Variants in ZNRF1 observed in about 807,000 individuals in gnomAD.
ZNRF1 encodes zinc and ring finger 1, also known as E3 ubiquitin-protein ligase ZNRF1.
Under a neutral mutation model 18.4 loss-of-function variants are expected in ZNRF1, and 3 were observed. The observed-to-expected ratio is 0.16, with a 90% CI of 0.07 to 0.42. ZNRF1 has a LOEUF of 0.42. Ranked by LOEUF, ZNRF1 falls within the 10% of genes least tolerant of loss-of-function variation. ZNRF1 has a pLI of 0.99. For synonymous variants in ZNRF1, 157 were observed against 144.2 expected (o/e 1.09, Z -0.64); for missense variants, 310 against 329.8 (o/e 0.94, Z 0.47).
At chr16:75,043,387 T>C (rs1029479335) in intron 1 of ZNRF1, among the ~76,000 whole-genome samples, 2 of 152,238 alleles carry the variant, frequency 1.3e-5, no homozygotes, top group Non-Finnish European at 2.9e-5. Flanking sequence ...GGAACATTTT[T>C]TCTCTTTCTT....
At chr16:75,027,812 T>A (rs2035246483) in intron 1 of ZNRF1, among the ~76,000 whole-genome samples, 1 of 152,216 alleles carries the variant, frequency 6.6e-6, no homozygotes, top group Non-Finnish European at 1.5e-5. Flanking sequence ...TCATGATTAC[T>A]AACCTTAAAC....
At chr16:75,026,760 A>G (rs1212697665) in intron 1 of ZNRF1, among the ~76,000 whole-genome samples, 1 of 151,536 alleles carries the variant, frequency 6.6e-6, no homozygotes, top group Non-Finnish European at 1.5e-5. Flanking sequence ...ACGTGGTGAA[A>G]CCCCGTCTCT....
At chr16:75,064,968 A>G (rs1278689128) in intron 1 of ZNRF1, among the ~76,000 whole-genome samples, 1 of 152,186 alleles carries the variant, frequency 6.6e-6, no homozygotes, top group Non-Finnish European at 1.5e-5. Flanking sequence ...TGGGGTTGCA[A>G]ACCTGGTCCT....
At chr16:75,046,034 C>G (rs2035511012) in intron 1 of ZNRF1, among the ~76,000 whole-genome samples, 11 of 151,806 alleles carry the variant, frequency 7.2e-5, no homozygotes, top group Admixed American at 7.2e-4. Flanking sequence ...TCCCAAGTAG[C>G]TGGGATTACA....
intron 1 of ZNRF1, among the ~76,000 whole-genome samples, chr16:75,035,112 C>A (rs1319167719): frequency 1.3e-5 from 2 of 149,320 alleles, no homozygotes; most frequent in African/African-American, 4.9e-5. Flanking sequence ...TGCTGCAATC[C>A]CCACCCTCCA....
intron 1 of ZNRF1, among the ~76,000 whole-genome samples, chr16:75,051,490 T>C (rs2035603291): frequency 6.6e-6 from 1 of 151,868 alleles, no homozygotes; most frequent in Non-Finnish European, 1.5e-5. Flanking sequence ...ATTACAGGCA[T>C]GAGCCACCGC....
chr16:75,084,922 C>T (rs2036056411), intron 1 of ZNRF1, among the ~76,000 whole-genome samples: 1 of 152,316 alleles, frequency 6.6e-6, no homozygotes, highest in East Asian at 1.9e-4. Context: ...TTAACTTATG[C>T]ATCTTTGTTT....
chr16:75,071,934 G>T (rs1291478958), intron 1 of ZNRF1, among the ~76,000 whole-genome samples: 2 of 151,916 alleles, frequency 1.3e-5, no homozygotes, highest in African/African-American at 4.8e-5. Flanking sequence ...TGCCTGGCTA[G>T]CTTTTGCTTA....
rs1258020268 is a variant in ZNRF1, at chr16:74,999,453, A to G, written c.-219A>G. On this transcript the variant is annotated 5_prime_UTR_variant, in exon 1 of 5. Transcript: ENST00000335325. ...GAGGGGAAACATGCGTTTGCCTTGG[A>G]TCGTTTGAAATTCTGAGTTTGGGAT... is the stretch of plus-strand genomic sequence containing the variant. 1.3e-5 allele frequency: 5 copies of G among 398,996 alleles called. No homozygotes were observed. The highest frequency in any genetic ancestry group is 1.7e-5 in the Non-Finnish European group (4 of 228,854). The allele number at this position is 398,996 out of a possible 1,614,324, so 24.7% of individuals were successfully genotyped here.
chr16:75,066,279 C>A (rs2035803093), intron 1 of ZNRF1, among the ~76,000 whole-genome samples: 1 of 152,146 alleles, frequency 6.6e-6, no homozygotes, highest in Non-Finnish European at 1.5e-5. Flanking sequence ...GGACATATAT[C>A]ACAAATACTG....
chr16:75,046,440 C>A (rs929312754), intron 1 of ZNRF1, among the ~76,000 whole-genome samples: 1 of 151,062 alleles, frequency 6.6e-6, no homozygotes. Flanking sequence ...TTAGTGGAGA[C>A]GGGGTTTCAC....
chr16:75,024,772 C>A (rs954410458), intron 1 of ZNRF1, among the ~76,000 whole-genome samples: 1 of 152,222 alleles, frequency 6.6e-6, no homozygotes, highest in African/African-American at 2.4e-5. Flanking sequence ...TATTTTCTGT[C>A]TTTTAAGCAA....
rs1476292636 is a variant in ZNRF1, at chr16:75,093,818, T to C, written c.520+151T>C. On this transcript the variant is annotated intron_variant, in intron 2 of 4. Coordinates refer to ENST00000335325, the MANE Select transcript of ZNRF1 (RefSeq NM_032268.5). ...CCTCAGTGGTGGTGAGGAAGTGGACTGTTCTGGGAGCCTTGCTGCTCAGGT... is the reference window on the plus strand; with the variant it reads ...CCTCAGTGGTGGTGAGGAAGTGGACCGTTCTGGGAGCCTTGCTGCTCAGGT... 10 of 620,558 alleles carry C rather than the reference T, an allele frequency of 1.6e-5. No individual in the cohort carries two copies. In the Admixed American group the frequency reaches 1.9e-4, roughly 12 times the overall value. 38.4% of individuals were successfully genotyped at this position (620,558 alleles called of 1,614,324 possible).
At position 75,000,062 on chromosome 16, in the gene ZNRF1, C is replaced by T. The variant is rs2034821090; in HGVS notation, c.391C>T (p.His131Tyr). Residue 131 changes from histidine to tyrosine, a missense_variant, in exon 1 of 5, where the codon CAC becomes TAC. Around this residue, in one of 2 missense-constraint regions of ZNRF1, gnomAD observed 293 missense variants for 291.2 expected, o/e 1.01. Transcript: ENST00000335325. ...CTCGCTGGCGGATGCTCTACCTCTG[C>T]ACATCGCACCCAGGTGGTTCAGCTC... ...RASLADALPLHIAPRWFSSHS... is the reference protein window; with the variant it reads ...RASLADALPLYIAPRWFSSHS... 1 of 1,602,406 alleles carries T rather than the reference C, an allele frequency of 6.2e-7. No individual in the cohort carries two copies. Among genetic ancestry groups the T allele is most frequent in the Non-Finnish European group, 8.5e-7 (1 of 1,175,736 alleles).
chr16:75,050,014 G>C (rs1850491324), intron 1 of ZNRF1, among the ~76,000 whole-genome samples: 1 of 151,970 alleles, frequency 6.6e-6, no homozygotes, highest in Non-Finnish European at 1.5e-5. Flanking sequence ...CCTAATACCA[G>C]TCAGCCACTA....
intron 2 of ZNRF1, among the ~76,000 whole-genome samples, chr16:75,098,596 C>G (rs920654473): frequency 6.6e-6 from 1 of 152,120 alleles, no homozygotes; most frequent in African/African-American, 2.4e-5. Context: ...CAGACTGGGC[C>G]AGCAGCTCTG....
chr16:75,077,821 T>A (rs2035960916), intron 1 of ZNRF1, among the ~76,000 whole-genome samples: 1 of 152,192 alleles, frequency 6.6e-6, no homozygotes, highest in African/African-American at 2.4e-5. Context: ...TTCCTCTAAC[T>A]TCAAAGCTAA....
At chr16:75,046,274 C>CA (rs1314268916) in intron 1 of ZNRF1, among the ~76,000 whole-genome samples, 1 of 150,762 alleles carries the variant, frequency 6.6e-6, no homozygotes, top group Non-Finnish European at 1.5e-5. Context: ...TTGTTTGAGA[C>CA]AGAGTTTTGC....
In ZNRF1 at chr16:75,041,837, A is replaced by G. The variant is rs1037338778; in HGVS notation, c.424+41742A>G. Reference sequence around the variant, plus strand: ...ATCTCTACTAAAAAAAAAAATATATATATATAAAATTAGCTGGGCATGGTG... The same window carrying G: ...ATCTCTACTAAAAAAAAAAATATATGTATATAAAATTAGCTGGGCATGGTG... On this transcript the variant is annotated intron_variant, in intron 1 of 4. Coordinates refer to ENST00000335325, the MANE Select transcript of ZNRF1 (RefSeq NM_032268.5). Among the ~76,000 whole-genome samples the G allele has an allele frequency of 2.6e-5, 4 of 151,070 alleles. 1 individual carries two copies. Among genetic ancestry groups the G allele is most frequent in the Admixed American group, 2.6e-4 (4 of 15,190 alleles).
Sources: allele counts gnomAD v4.1 joint callset (sites outside exome capture counted in the v4.1 genomes callset), GRCh38; gene constraint gnomAD v4.1.1; regional missense constraint gnomAD v4.1.1; transcripts MANE v1.5; gene names NCBI Gene and HGNC (gene_info 2026-07-23, HGNC 2026-07-21).